Variants in INTS9 observed in about 807,000 individuals in gnomAD.
The protein encoded by INTS9 is integrator complex subunit 9.
Under a neutral mutation model 79.7 loss-of-function variants are expected in INTS9, and 55 were observed. The observed-to-expected ratio is 0.69, with a 90% confidence interval of 0.56 to 0.86. The LOEUF is 0.86. Ranked by LOEUF, INTS9 falls within the 40% of genes least tolerant of loss-of-function variation. INTS9 has a pLI of 0.00. For missense variants in INTS9, 721 were observed against 831.5 expected, an observed-to-expected ratio of 0.87 and a Z score of 1.64; for synonymous variants, 319 against 325.2, an observed-to-expected ratio of 0.98 and a Z score of 0.20.
intron 2 of INTS9, among the ~76,000 whole-genome samples, chr8:28,855,787 T>C (rs886820927): frequency 2.6e-4 from 39 of 152,342 alleles, no homozygotes; most frequent in African/African-American, 7.9e-4. Context: ...ATACTATCAA[T>C]GTAAATTCTC....
rs553565976 is a variant in INTS9 at position 28,853,189 on chromosome 8, T to C, written c.138-2916A>G. On this transcript the variant is annotated intron_variant, in intron 2 of 16. Transcript: ENST00000521022. ...CAGCACTTTGGGAGGCCGAGGCGGA[T>C]GGATCACCTAGGTCAGGGGTTCGAG... 3.2e-4 allele frequency among the ~76,000 whole-genome samples: 49 copies of C among 152,122 alleles called. 1 individual carries two copies. The highest frequency in any genetic ancestry group is 2.5e-3 in the East Asian group (13 of 5,168).
chr8:28,888,882 A>G (rs1195211571), intron 1 of INTS9, among the ~76,000 whole-genome samples: 1 of 152,176 alleles, frequency 6.6e-6, no homozygotes, highest in Admixed American at 6.5e-5. Context: ...GCATGTTCAG[A>G]TAATTATATA....
At chr8:28,837,598 G>A (rs570089038) in intron 5 of INTS9, 39 bp downstream of exon 5, 38 of 1,598,074 alleles carry the variant, frequency 2.4e-5, no homozygotes, top group African/African-American at 1.2e-4. Context: ...GAGGAGCTCC[G>A]CAGTCACATC....
At chr8:28,769,296 C>T (rs1265412992) in intron 16 of INTS9, among the ~76,000 whole-genome samples, 3 of 152,230 alleles carry the variant, frequency 2.0e-5, no homozygotes, top group African/African-American at 7.2e-5. Flanking sequence ...TTACCTTTAG[C>T]CAATTCCTTC....
At chr8:28,821,191 T>G (rs929614403) in intron 6 of INTS9, among the ~76,000 whole-genome samples, 3 of 152,190 alleles carry the variant, frequency 2.0e-5, no homozygotes, top group African/African-American at 7.2e-5. Flanking sequence ...TAGTCCGTTT[T>G]CACACTGCTG....
At chr8:28,835,666 C>T (rs979602662) in intron 5 of INTS9, among the ~76,000 whole-genome samples, 4 of 152,140 alleles carry the variant, frequency 2.6e-5, no homozygotes. Context: ...AATCCACAAG[C>T]CTGTTTTAAC....
At chr8:28,887,656 G>A (rs1005924094) in intron 1 of INTS9, among the ~76,000 whole-genome samples, 1 of 152,176 alleles carries the variant, frequency 6.6e-6, no homozygotes, top group Admixed American at 6.5e-5. Flanking sequence ...CCATTTGGGA[G>A]GCATGACACA....
chr8:28,774,434 G>T (rs1201243221), intron 14 of INTS9, among the ~76,000 whole-genome samples: 1 of 152,156 alleles, frequency 6.6e-6, no homozygotes, highest in Non-Finnish European at 1.5e-5. Flanking sequence ...GAGACCAAAA[G>T]GTTTAAGGAA....
At chr8:28,821,135 A>C in intron 6 of INTS9, among the ~76,000 whole-genome samples, 1 of 152,212 alleles carries the variant, frequency 6.6e-6, no homozygotes. Context: ...TGGCAAGGAA[A>C]CAATCAAAGA....
chr8:28,793,786 A>T, intron 10 of INTS9, 21 bp downstream of exon 10: 1 of 1,526,346 alleles, frequency 6.6e-7, no homozygotes, highest in South Asian at 1.3e-5. Context: ...TCACAAAAAA[A>T]AAAAAAAACC....
At chr8:28,815,206 T>C (rs965027153) in intron 6 of INTS9, among the ~76,000 whole-genome samples, 1 of 151,808 alleles carries the variant, frequency 6.6e-6, no homozygotes, top group Admixed American at 6.6e-5. Context: ...AAATAAAAGA[T>C]TAAGAGAATA....
chr8:28,808,217 G>A lies in INTS9; in HGVS notation c.744+4110C>T, dbSNP rs562203637. Among the ~76,000 whole-genome samples, 8 of 145,352 alleles carry A rather than the reference G, an allele frequency of 5.5e-5. No homozygotes were observed. The East Asian group carries it at 1.0e-3, about 18-fold the overall frequency. ...GATTTTTTTTTTTTTTTTTTGAGAC[G>A]GAGTCTCTCTCTGTTGCCCTGGCTG... On this transcript the variant is annotated intron_variant, in intron 8 of 16. Transcript: ENST00000521022.
At chr8:28,781,079 G>A in intron 11 of INTS9, 85 bp from the exon 12 acceptor site, 1 of 1,053,586 alleles carries the variant, frequency 9.5e-7, no homozygotes. Flanking sequence ...GAGCGGGACT[G>A]GATCTAAAAT....
chr8:28,788,272 T>TCCAGAC (rs2130929545), intron 10 of INTS9, among the ~76,000 whole-genome samples: 1 of 152,244 alleles, frequency 6.6e-6, no homozygotes, highest in South Asian at 2.1e-4. Context: ...TCAACTAAAC[T>TCCAGAC]CCAGACTTCA....
intron 6 of INTS9, among the ~76,000 whole-genome samples, chr8:28,832,492 A>T (rs2131160710): frequency 6.6e-6 from 1 of 152,358 alleles, no homozygotes; most frequent in African/African-American, 2.4e-5. Context: ...TGACACGCAC[A>T]TGAGAAGAGG....
At chr8:28,779,483 A>G (rs1313555382) in intron 12 of INTS9, among the ~76,000 whole-genome samples, 8 of 152,146 alleles carry the variant, frequency 5.3e-5, no homozygotes, top group Non-Finnish European at 1.5e-5. Flanking sequence ...CCCCTCTGTA[A>G]TCATCCTGAA....
intron 3 of INTS9, among the ~76,000 whole-genome samples, chr8:28,848,824 C>G (rs1467563519): frequency 6.6e-6 from 1 of 152,186 alleles, no homozygotes; most frequent in Non-Finnish European, 1.5e-5. Flanking sequence ...ATTCACCACT[C>G]CCTTCTAATG....
chr8:28,794,897 G>A (rs894953378), intron 9 of INTS9, among the ~76,000 whole-genome samples: 1 of 152,116 alleles, frequency 6.6e-6, no homozygotes, highest in South Asian at 2.1e-4. Flanking sequence ...TAAATGTAAG[G>A]TTCCTTTCAA....
chr8:28,879,801 A>G lies in INTS9; in HGVS notation c.9+10073T>C, dbSNP rs545699533. On this transcript the variant is annotated intron_variant, in intron 1 of 16. Transcript: ENST00000521022. ...CAGAAACATTACACCAAATGAAAGA[A>G]GATGTCTTAGCCACAAAAGACCCCA... Among the ~76,000 whole-genome samples the G allele has an allele frequency of 8.5e-5, 13 of 152,282 alleles. No homozygotes were observed. The South Asian group carries it at 2.3e-3, about 27-fold the overall frequency.
Sources: gnomAD v4.1 joint callset for allele counts (sites outside exome capture counted in the v4.1 genomes callset) on GRCh38, gnomAD v4.1.1 for gene constraint, MANE v1.5 for transcripts, NCBI Gene and HGNC (gene_info 2026-07-23, HGNC 2026-07-21) for gene names.